Variants in DACH2 observed in about 807,000 individuals in gnomAD.
DACH2 encodes dachshund homolog 2.
In DACH2, 17 loss-of-function variants were observed where a neutral mutation model predicts 35.8. That is an observed-to-expected ratio of 0.48 (90% CI 0.33 to 0.71). The LOEUF is 0.71. Among genes scored for constraint, DACH2 ranks in the 30% least tolerant of loss-of-function variants. The pLI is 0.02. For missense variants in DACH2, 469 were observed against 472.7 expected (o/e 0.99, Z 0.07); for synonymous variants, 195 against 177.3 (o/e 1.10, Z -0.79).
intron 6 of DACH2, 96 bp downstream of exon 6, chrX:86,714,816 G>C: frequency 1.3e-6 from 1 of 782,808 alleles, no homozygotes; most frequent in South Asian, 3.6e-5. Context: ...TAGTAACTCA[G>C]CTCATTGACT....
chrX:86,393,939 T>TTTATTATTATTATTA (rs61097672), intron 2 of DACH2, among the ~76,000 whole-genome samples: 1 of 104,833 alleles, frequency 9.5e-6, no homozygotes, highest in East Asian at 3.1e-4. Flanking sequence ...TGGTAGCTAT[T>TTTATTATTATTATTA]TTATTATTAT....
At chrX:86,168,737 G>A (rs2031026714) in intron 1 of DACH2, among the ~76,000 whole-genome samples, 1 of 107,020 alleles carries the variant, frequency 9.3e-6, no homozygotes, top group Non-Finnish European at 1.9e-5. Context: ...ATTATTTTAA[G>A]CTGAAAAAAC....
At chrX:86,774,080 A>G (rs2042009901) in intron 7 of DACH2, among the ~76,000 whole-genome samples, 1 of 111,789 alleles carries the variant, frequency 8.9e-6, no homozygotes, top group Non-Finnish European at 1.9e-5. Flanking sequence ...ACAAAAATTA[A>G]AAATCAAAAA....
At chrX:86,704,250 A>C (rs1457580498) in intron 5 of DACH2, among the ~76,000 whole-genome samples, 5 of 111,732 alleles carry the variant, frequency 4.5e-5, no homozygotes, top group Non-Finnish European at 9.4e-5. Flanking sequence ...CATGTGTAGA[A>C]GAATGAAACT....
At chrX:86,511,401 A>G (rs1331889043) in intron 2 of DACH2, among the ~76,000 whole-genome samples, 1 of 111,975 alleles carries the variant, frequency 8.9e-6, no homozygotes, top group East Asian at 2.8e-4. Context: ...ATTAAAAACA[A>G]AGAAATCTGA....
intron 2 of DACH2, among the ~76,000 whole-genome samples, chrX:86,511,284 T>C (rs1007544921): frequency 1.8e-5 from 2 of 111,920 alleles, no homozygotes; most frequent in African/African-American, 6.5e-5. Flanking sequence ...GTAGGTCTAA[T>C]AGAATAAAGC....
At chrX:86,688,137 C>T (rs1888109137) in intron 4 of DACH2, among the ~76,000 whole-genome samples, 1 of 112,151 alleles carries the variant, frequency 8.9e-6, no homozygotes, top group Non-Finnish European at 1.9e-5. Flanking sequence ...AGTCTTAGCA[C>T]ATTTCTTAGA....
At chrX:86,611,209 T>C (rs1037087771) in intron 3 of DACH2, among the ~76,000 whole-genome samples, 1 of 110,795 alleles carries the variant, frequency 9.0e-6, no homozygotes, top group African/African-American at 3.3e-5. Context: ...AGAAACGTTT[T>C]TTGGGAGGTA....
At chrX:86,167,537 C>A (rs1464636166) in intron 1 of DACH2, among the ~76,000 whole-genome samples, 2 of 110,452 alleles carry the variant, frequency 1.8e-5, no homozygotes, top group Non-Finnish European at 3.8e-5. Flanking sequence ...TCTAAAATTT[C>A]AATTTTATTT....
At position 86,377,303 on chromosome X, in the gene DACH2, G is replaced by A. The variant is rs759783625; in HGVS notation, c.527+441G>A. Among the ~76,000 whole-genome samples, 6 of 111,389 alleles carry A rather than the reference G, an allele frequency of 5.4e-5. No individual in the cohort carries two copies. In the East Asian group the frequency reaches 8.5e-4, roughly 16 times the overall value. ...TACAACGATAATGGAAAAGAATCTG[G>A]CTTTCTAATCTTCTGAGTCATTCTA... On this transcript the variant is annotated intron_variant, in intron 2 of 11. Transcript: ENST00000373125.
intron 6 of DACH2, among the ~76,000 whole-genome samples, chrX:86,728,887 T>A (rs757671337): frequency 6.7e-4 from 76 of 113,204 alleles, no homozygotes; most frequent in Non-Finnish European, 1.2e-3. Flanking sequence ...GGCAGAAGCC[T>A]GCTGCAGGGG....
intron 2 of DACH2, among the ~76,000 whole-genome samples, chrX:86,483,365 C>G (rs1191968618): frequency 1.8e-5 from 2 of 111,193 alleles, no homozygotes; most frequent in East Asian, 5.6e-4. Context: ...TTCGAATTGC[C>G]TCTTTCTTTT....
chrX:86,754,314 T>A (rs186135573), intron 7 of DACH2, among the ~76,000 whole-genome samples: 8,100 of 108,630 alleles, frequency 0.075, 720 homozygotes, highest in African/African-American at 0.26. Flanking sequence ...GACAGAAAAA[T>A]ATGAGAGTTT....
intron 6 of DACH2, among the ~76,000 whole-genome samples, chrX:86,736,383 T>C (rs2041596677): frequency 9.0e-6 from 1 of 111,629 alleles, no homozygotes; most frequent in Non-Finnish European, 1.9e-5. Flanking sequence ...TAAATTATGT[T>C]CTCAAAGTTT....
chrX:86,820,269 G>A (rs2042497674), intron 11 of DACH2, among the ~76,000 whole-genome samples: 2 of 111,562 alleles, frequency 1.8e-5, no homozygotes, highest in African/African-American at 6.5e-5. Context: ...TTTATTTTAT[G>A]TATACATGTT....
At chrX:86,776,902 A>G (rs1225034568) in intron 7 of DACH2, among the ~76,000 whole-genome samples, 4 of 111,700 alleles carry the variant, frequency 3.6e-5, no homozygotes, top group African/African-American at 1.3e-4. Flanking sequence ...CCATGTCCCG[A>G]CAAAGGATAT....
chrX:86,370,503 A>G (rs2035871298), intron 1 of DACH2, among the ~76,000 whole-genome samples: 1 of 111,526 alleles, frequency 9.0e-6, no homozygotes, highest in African/African-American at 3.3e-5. Flanking sequence ...AAATAGTGTA[A>G]TGGTGCTGAA....
chrX:86,811,613 A>G (rs1409039403), intron 7 of DACH2, among the ~76,000 whole-genome samples: 1 of 111,779 alleles, frequency 8.9e-6, no homozygotes, highest in Non-Finnish European at 1.9e-5. Flanking sequence ...TCCAGTGAGC[A>G]GCATAACTGT....
At chrX:86,807,461 T>A (rs1161852774) in intron 7 of DACH2, among the ~76,000 whole-genome samples, 1 of 111,830 alleles carries the variant, frequency 8.9e-6, no homozygotes, top group Non-Finnish European at 1.9e-5. Flanking sequence ...CTACAAATCA[T>A]AGAGCAGGGA....
Sources: allele counts gnomAD v4.1 joint callset (sites outside exome capture counted in the v4.1 genomes callset), GRCh38; gene constraint gnomAD v4.1.1; transcripts MANE v1.5; gene names NCBI Gene and HGNC (gene_info 2026-07-23, HGNC 2026-07-21).